Variants in VAV3 observed in about 807,000 individuals in gnomAD.
VAV3 encodes the protein guanine nucleotide exchange factor VAV3.
A neutral mutation model predicts 131.2 loss-of-function variants in VAV3; 94 were observed. The observed-to-expected ratio is 0.72, with a 90% confidence interval of 0.61 to 0.85. The LOEUF (loss-of-function observed/expected upper bound fraction) is 0.85. Among genes scored for constraint, VAV3 ranks in the 40% least tolerant of loss-of-function variants. The pLI is 0.00. For missense variants in VAV3, 939 were observed against 1,002.7 expected (o/e 0.94, Z 0.86); for synonymous variants, 349 against 342.0 (o/e 1.02, Z -0.22).
intron 25 of VAV3, among the ~76,000 whole-genome samples, chr1:107,592,481 C>A (rs535201571): frequency 7.1e-4 from 108 of 152,088 alleles, no homozygotes; most frequent in African/African-American, 2.3e-3. Flanking sequence ...ATAGTGATAG[C>A]CATTTAAAAA....
intron 2 of VAV3, among the ~76,000 whole-genome samples, chr1:107,834,565 A>G (rs1024111219): frequency 2.6e-5 from 4 of 151,998 alleles, no homozygotes; most frequent in African/African-American, 9.7e-5. Context: ...AGTCATCATG[A>G]CAGACCACAT....
At chr1:107,904,633 C>T (rs1455557660) in intron 1 of VAV3, among the ~76,000 whole-genome samples, 1 of 152,202 alleles carries the variant, frequency 6.6e-6, no homozygotes, top group Non-Finnish European at 1.5e-5. Context: ...TGTTACTCAA[C>T]TTCATTCATG....
chr1:107,844,321 C>T (rs1668863403), intron 2 of VAV3, among the ~76,000 whole-genome samples: 1 of 152,182 alleles, frequency 6.6e-6, no homozygotes, highest in Non-Finnish European at 1.5e-5. Context: ...TCTTCGCAAC[C>T]CAAAGAACAG....
intron 20 of VAV3, among the ~76,000 whole-genome samples, chr1:107,630,179 A>AC (rs1654345438): frequency 6.6e-6 from 1 of 152,212 alleles, no homozygotes; most frequent in Non-Finnish European, 1.5e-5. Context: ...CAGGTGCATT[A>AC]CCTATCCTGA....
At chr1:107,610,802 T>C (rs1341568298) in intron 21 of VAV3, among the ~76,000 whole-genome samples, 1 of 152,208 alleles carries the variant, frequency 6.6e-6, no homozygotes, top group African/African-American at 2.4e-5. Flanking sequence ...ACTTTAAAAA[T>C]TCCTACGAAT....
chr1:107,938,454 A>G (rs979355362), intron 1 of VAV3, among the ~76,000 whole-genome samples: 1 of 152,192 alleles, frequency 6.6e-6, no homozygotes, highest in Admixed American at 6.5e-5. Context: ...AAATTCCCAA[A>G]GACTGAAATA....
chr1:107,602,746 C>T lies in VAV3; in HGVS notation c.2133-262G>A, dbSNP rs1571342. Reference sequence around the variant, plus strand: ...ATTTATTAAGTTCAGTTTGAGAATACAGAAAAATAAGACAAAAATCTAGAA... The same window carrying T: ...ATTTATTAAGTTCAGTTTGAGAATATAGAAAAATAAGACAAAAATCTAGAA... On this transcript the variant is annotated intron_variant, in intron 23 of 26. Transcript: ENST00000370056. 0.94 allele frequency among the ~76,000 whole-genome samples: 142,587 copies of T among 152,210 alleles called. 67,391 individuals carry two copies. The highest frequency in any genetic ancestry group is 1 in the East Asian group (5,177 of 5,178).
chr1:107,913,146 A>G (rs1672449785), intron 1 of VAV3, among the ~76,000 whole-genome samples: 1 of 152,220 alleles, frequency 6.6e-6, no homozygotes, highest in Non-Finnish European at 1.5e-5. Context: ...TGTCGACAGC[A>G]ATCCATATCT....
chr1:107,582,195 A>G (rs768285873), intron 25 of VAV3, among the ~76,000 whole-genome samples: 4 of 152,176 alleles, frequency 2.6e-5, no homozygotes, highest in Non-Finnish European at 4.4e-5. Context: ...CGTTTTGCCA[A>G]GATTGTCTAC....
At chr1:107,748,448 TAAAG>T in intron 15 of VAV3, among the ~76,000 whole-genome samples, 1 of 152,280 alleles carries the variant, frequency 6.6e-6, no homozygotes, top group Middle Eastern at 3.4e-3. Context: ...AAAAGCCACT[TAAAG>T]AAATCAAGCC....
At chr1:107,727,041 A>G (rs1661887095) in intron 15 of VAV3, among the ~76,000 whole-genome samples, 1 of 152,276 alleles carries the variant, frequency 6.6e-6, no homozygotes, top group South Asian at 2.1e-4. Flanking sequence ...GGTTGGGTAG[A>G]AATAAAAGAG....
chr1:107,924,774 T>C (rs950387004), intron 1 of VAV3, among the ~76,000 whole-genome samples: 16 of 152,224 alleles, frequency 1.1e-4, no homozygotes, highest in Non-Finnish European at 1.8e-4. Context: ...TGTGACCATA[T>C]GTTCCCTGAG....
At chr1:107,840,064 T>C (rs949577750) in intron 2 of VAV3, among the ~76,000 whole-genome samples, 4 of 152,198 alleles carry the variant, frequency 2.6e-5, no homozygotes, top group Non-Finnish European at 1.5e-5. Flanking sequence ...ATGGTTTCAC[T>C]AGTGAATTCT....
chr1:107,688,560 A>G (rs1465596184), intron 17 of VAV3, 154 bp from the exon 18 acceptor site: 5 of 1,506,378 alleles, frequency 3.3e-6, no homozygotes, highest in Non-Finnish European at 4.4e-6. Flanking sequence ...CTGGGCTAGT[A>G]ATTATTTTGC....
chr1:107,795,021 G>C (rs1320189504), intron 2 of VAV3, among the ~76,000 whole-genome samples: 1 of 152,134 alleles, frequency 6.6e-6, no homozygotes, highest in East Asian at 1.9e-4. Context: ...TAGAAGAATG[G>C]ATATAGTTTA....
At chr1:107,598,161 G>C (rs571557241) in intron 24 of VAV3, among the ~76,000 whole-genome samples, 2 of 152,166 alleles carry the variant, frequency 1.3e-5, no homozygotes, top group African/African-American at 4.8e-5. Flanking sequence ...TGAGACCAAC[G>C]TGGCCAACAT....
At chr1:107,723,422 C>T (rs1661624052) in intron 15 of VAV3, among the ~76,000 whole-genome samples, 1 of 143,020 alleles carries the variant, frequency 7.0e-6, no homozygotes, top group Non-Finnish European at 1.5e-5. Context: ...GCCACCAGCT[C>T]AGCCCTCAAG....
At chr1:107,943,709 T>A (rs939464259) in intron 1 of VAV3, among the ~76,000 whole-genome samples, 8 of 152,174 alleles carry the variant, frequency 5.3e-5, no homozygotes, top group African/African-American at 1.7e-4. Context: ...GCCACTGTGC[T>A]CCAGCCTGGC....
intron 2 of VAV3, among the ~76,000 whole-genome samples, chr1:107,838,598 T>A (rs764518345): frequency 6.6e-6 from 1 of 152,142 alleles, no homozygotes; most frequent in Non-Finnish European, 1.5e-5. Context: ...GCAATCCAAT[T>A]ACTGGGTATA....
Sources: gnomAD v4.1 joint callset for allele counts (sites outside exome capture counted in the v4.1 genomes callset) on GRCh38, gnomAD v4.1.1 for gene constraint, MANE v1.5 for transcripts, NCBI Gene and HGNC (gene_info 2026-07-23, HGNC 2026-07-21) for gene names.